The following PTPRD variants were observed in gnomAD, a reference collection of about 807,000 sequenced individuals.
The protein encoded by PTPRD is protein tyrosine phosphatase receptor type D, also known as receptor-type tyrosine-protein phosphatase delta.
In PTPRD, 34 loss-of-function variants were observed where a neutral mutation model predicts 214.5. The observed-to-expected ratio is 0.16, with a 90% CI of 0.12 to 0.21. The LOEUF (loss-of-function observed/expected upper bound fraction) is 0.21. PTPRD is among the 10% of genes least tolerant of loss of function. The pLI is 1.00. For missense variants in PTPRD, 2,545 were observed against 2,398.7 expected, an observed-to-expected ratio of 1.06 and a Z score of -1.27; for synonymous variants, 1,128 against 845.7, an observed-to-expected ratio of 1.33 and a Z score of -5.79.
intron 14 of PTPRD, among the ~76,000 whole-genome samples, chr9:8,528,988 G>C (rs1229093344): frequency 6.6e-6 from 1 of 152,102 alleles, no homozygotes. Context: ...CTAACACAGA[G>C]CTCAGACGGG....
chr9:9,493,787 C>CAAAAAAAAA (rs750252052), intron 8 of PTPRD, among the ~76,000 whole-genome samples: 35 of 54,458 alleles, frequency 6.4e-4, no homozygotes, highest in African/African-American at 1.9e-3. Flanking sequence ...GACTCCGTCT[C>CAAAAAAAAA]AAAAAAAAAA....
intron 35 of PTPRD, among the ~76,000 whole-genome samples, chr9:8,426,137 A>G (rs1372042718): frequency 6.6e-6 from 1 of 152,222 alleles, no homozygotes; most frequent in African/African-American, 2.4e-5. Context: ...CACAATAACA[A>G]GAGCCACTTC....
At chr9:9,117,278 C>T (rs1158781915) in intron 10 of PTPRD, among the ~76,000 whole-genome samples, 3 of 143,880 alleles carry the variant, frequency 2.1e-5, no homozygotes, top group East Asian at 2.1e-4. Flanking sequence ...GTAATTAATT[C>T]GTGAGTACAA....
chr9:8,657,216 G>A (rs2096929101), intron 12 of PTPRD, among the ~76,000 whole-genome samples: 1 of 143,300 alleles, frequency 7.0e-6, no homozygotes, highest in Non-Finnish European at 1.5e-5. Flanking sequence ...TGCCCAGGCT[G>A]GAGTGCAATG....
At chr9:8,585,616 A>G (rs563658923) in intron 14 of PTPRD, among the ~76,000 whole-genome samples, 99 of 152,330 alleles carry the variant, frequency 6.5e-4, no homozygotes, top group African/African-American at 2.2e-3. Context: ...TCCTAACTCT[A>G]TATGTAGGTA....
chr9:8,648,307 G>T (rs1596028132), intron 12 of PTPRD, among the ~76,000 whole-genome samples: 2 of 152,148 alleles, frequency 1.3e-5, no homozygotes, highest in African/African-American at 4.8e-5. Context: ...CCTACATTCT[G>T]TGTGCCCGGG....
intron 7 of PTPRD, among the ~76,000 whole-genome samples, chr9:9,603,209 T>C (rs1200004232): frequency 3.3e-5 from 5 of 152,126 alleles, no homozygotes; most frequent in Admixed American, 6.5e-5. Context: ...ATGTGGTCAG[T>C]TGCTGTCGGA....
chr9:8,508,102 C>G (rs1451727378), intron 21 of PTPRD, among the ~76,000 whole-genome samples: 1 of 152,186 alleles, frequency 6.6e-6, no homozygotes, highest in Non-Finnish European at 1.5e-5. Flanking sequence ...AATATCCTCT[C>G]TAGTGCCACA....
intron 40 of PTPRD, among the ~76,000 whole-genome samples, 191 bp from the exon 41 acceptor site, chr9:8,341,459 A>G (rs953705717): frequency 2.0e-5 from 3 of 152,008 alleles, no homozygotes; most frequent in African/African-American, 7.2e-5. Context: ...ATTTCTATAT[A>G]TTTTCTGAAA....
At chr9:8,951,104 TG>T (rs1324413068) in intron 11 of PTPRD, among the ~76,000 whole-genome samples, 1 of 151,362 alleles carries the variant, frequency 6.6e-6, no homozygotes, top group Non-Finnish European at 1.5e-5. Context: ...TAAAAGTTTA[TG>T]TGGTTGTGTT....
chr9:10,518,714 A>AGTACAGACAGGGTTTTACC (rs1466222421), intron 2 of PTPRD, among the ~76,000 whole-genome samples: 1 of 151,616 alleles, frequency 6.6e-6, no homozygotes, highest in Admixed American at 6.7e-5. Flanking sequence ...TTGTATTTTT[A>AGTACAGACAGGGTTTTACC]GTACAGACAG....
At chr9:8,523,671 C>T in intron 18 of PTPRD, 147 bp from the exon 19 acceptor site, 1 of 823,370 alleles carries the variant, frequency 1.2e-6, no homozygotes, top group Non-Finnish European at 1.9e-6. Context: ...TCCTTCCTAT[C>T]TCAGCTGGAA....
At chr9:8,502,402 G>C (rs566703743) in intron 23 of PTPRD, among the ~76,000 whole-genome samples, 2 of 152,136 alleles carry the variant, frequency 1.3e-5, no homozygotes, top group East Asian at 1.9e-4. Context: ...CGGAGTGCCA[G>C]GTGTATCCAA....
chr9:8,746,073 C>A (rs2092763636), intron 11 of PTPRD, among the ~76,000 whole-genome samples: 1 of 152,010 alleles, frequency 6.6e-6, no homozygotes, highest in South Asian at 2.1e-4. Context: ...GAATTACAGG[C>A]ATGAGCCACC....
intron 12 of PTPRD, among the ~76,000 whole-genome samples, chr9:8,642,676 T>C (rs2096603543): frequency 6.6e-6 from 1 of 152,096 alleles, no homozygotes; most frequent in African/African-American, 2.4e-5. Flanking sequence ...GTTCCAAGGG[T>C]AGTAGCCTGG....
intron 39 of PTPRD, among the ~76,000 whole-genome samples, chr9:8,368,075 T>C (rs1477179255): frequency 6.6e-6 from 1 of 152,170 alleles, no homozygotes; most frequent in Non-Finnish European, 1.5e-5. Flanking sequence ...TAAGAGCAGC[T>C]CTATGTGCTA....
intron 11 of PTPRD, among the ~76,000 whole-genome samples, chr9:8,767,077 G>C (rs16928406): frequency 0.047 from 7,119 of 152,018 alleles, 417 homozygotes; most frequent in African/African-American, 0.14. Flanking sequence ...CCAAAATGAA[G>C]AACCGCATAT....
chr9:8,750,962 G>C (rs1457527870), intron 11 of PTPRD, among the ~76,000 whole-genome samples: 2 of 152,114 alleles, frequency 1.3e-5, no homozygotes, highest in Admixed American at 6.5e-5. Flanking sequence ...CTGTTCCCAA[G>C]TCTCTGTAGA....
intron 7 of PTPRD, among the ~76,000 whole-genome samples, chr9:9,618,595 G>C (rs2095047711): frequency 6.6e-6 from 1 of 152,010 alleles, no homozygotes; most frequent in Non-Finnish European, 1.5e-5. Flanking sequence ...TTTGGAAACT[G>C]TACTGTTAAA....
Sources: allele counts gnomAD v4.1 joint callset (sites outside exome capture counted in the v4.1 genomes callset), GRCh38; gene constraint gnomAD v4.1.1; transcripts MANE v1.5; gene names NCBI Gene and HGNC (gene_info 2026-07-23, HGNC 2026-07-21).